MRM1: variants seen among roughly 807,000 people sequenced by gnomAD.
The protein encoded by MRM1 is rRNA methyltransferase 1, mitochondrial.
A neutral mutation model predicts 25.0 loss-of-function variants in MRM1; 24 were observed. That is an observed-to-expected ratio of 0.96 (90% confidence interval 0.69 to 1.35). MRM1 has a LOEUF of 1.35. Among genes scored for constraint, MRM1 ranks in the 40% most tolerant of loss-of-function variants. The pLI, the probability that MRM1 is intolerant of heterozygous loss-of-function variation, is 0.00. For missense variants in MRM1, 431 were observed against 464.1 expected, an observed-to-expected ratio of 0.93 and a Z score of 0.65; for synonymous variants, 188 against 199.2, an observed-to-expected ratio of 0.94 and a Z score of 0.47.
the MRM1 span, among the ~76,000 whole-genome samples, chr17:36,615,151 G>A: frequency 1.3e-5 from 2 of 152,218 alleles, no homozygotes; most frequent in Non-Finnish European, 2.9e-5. Flanking sequence ...CCCCTGCCAT[G>A]TGCCCTCTCG....
Position 36,601,753 on chromosome 17 carries a change from G to C in MRM1, c.-58G>C. 1 of 1,488,754 alleles carries C rather than the reference G, an allele frequency of 6.7e-7. No homozygotes were observed. The highest frequency in any genetic ancestry group is 1.3e-5 in the South Asian group (1 of 75,598). 92.2% of individuals were successfully genotyped at this position (1,488,754 alleles called of 1,614,324 possible). Reference sequence around the variant, plus strand: ...GGAGCCTGGGAGCGAACTGCGGCGCGGGTTACCGCTCCCGGGGACGCAGCA... The same window carrying C: ...GGAGCCTGGGAGCGAACTGCGGCGCCGGTTACCGCTCCCGGGGACGCAGCA... On this transcript the variant is annotated 5_prime_UTR_variant, in exon 1 of 5. Transcript: ENST00000614766.
At chr17:36,628,856 A>G in the MRM1 span, among the ~76,000 whole-genome samples, 1 of 152,200 alleles carries the variant, frequency 6.6e-6, no homozygotes, top group Non-Finnish European at 1.5e-5. Flanking sequence ...ATTCAAACCC[A>G]GATCAGCCTG....
Position 36,601,690 on chromosome 17 carries a change from G to T in MRM1, c.-121G>T. 1 of 1,082,402 alleles carries T rather than the reference G, an allele frequency of 9.2e-7. No individual in the cohort carries two copies. The highest frequency in any genetic ancestry group is 1.3e-6 in the Non-Finnish European group (1 of 779,162). The allele number at this position is 1,082,402 out of a possible 1,614,324, so 67.0% of individuals were successfully genotyped here. On this transcript the variant is annotated 5_prime_UTR_variant, in exon 1 of 5. Transcript: ENST00000614766. ...GTTTGTTCCTGTCCGAGAGAGCTCG[G>T]CGGAGACGGCTGTCGAGTACCCTTC...
Position 36,601,934 on chromosome 17 carries a change from G to A in MRM1, c.124G>A (p.Asp42Asn). The change falls in exon 1 of 5, where the codon GAC becomes AAC. Residue 42 changes from aspartate to asparagine, a missense_variant. Physicochemically the swap from Asp to Asn is conservative, Grantham distance 23. Transcript: ENST00000614766. ...GEELSRLLLD[D>N]LVPTSRLELL... ...GGAGCTAAGCCGCTTGCTGCTGGAT[G>A]ACCTGGTGCCGACCTCTCGGCTGGA... 6.2e-7 allele frequency: 1 copy of A among 1,613,034 alleles called. No homozygotes were observed. Among genetic ancestry groups the A allele is most frequent in the Non-Finnish European group, 8.5e-7 (1 of 1,179,872 alleles).
intron 2 of MRM1, among the ~76,000 whole-genome samples, chr17:36,606,907 G>GTTTT (rs2074933911): frequency 1.9e-5 from 2 of 105,650 alleles, no homozygotes; most frequent in South Asian, 3.2e-4. Context: ...TACTGCGCCT[G>GTTTT]GTTTTTTGTT....
chr17:36,607,877 C>G, intron 3 of MRM1, 22 bp from the exon 4 acceptor site: 1 of 1,613,110 alleles, frequency 6.2e-7, no homozygotes. Context: ...GCAACCCTAA[C>G]CCTCAGCCCC....
At chr17:36,616,352 C>T in the MRM1 span, among the ~76,000 whole-genome samples, 1 of 152,218 alleles carries the variant, frequency 6.6e-6, no homozygotes, top group Non-Finnish European at 1.5e-5. Flanking sequence ...CAGAAATCAT[C>T]CCCAGCCACA....
At chr17:36,625,462 C>CTCTT in the MRM1 span, among the ~76,000 whole-genome samples, 1 of 102,002 alleles carries the variant, frequency 9.8e-6, no homozygotes, top group Non-Finnish European at 1.8e-5. Flanking sequence ...CCTCCTCCTC[C>CTCTT]TTTTTTTTTT....
At chr17:36,630,314 T>G in the MRM1 span, among the ~76,000 whole-genome samples, 1 of 152,112 alleles carries the variant, frequency 6.6e-6, no homozygotes, top group Non-Finnish European at 1.5e-5. Context: ...ACCTTGTACT[T>G]GGGGGAGTAT....
At chr17:36,603,991 A>G (rs1257717125) in intron 2 of MRM1, among the ~76,000 whole-genome samples, 1 of 152,210 alleles carries the variant, frequency 6.6e-6, no homozygotes, top group African/African-American at 2.4e-5. Flanking sequence ...AGCTCCAGGC[A>G]TCACATCTCC....
downstream of MRM1, among the ~76,000 whole-genome samples, chr17:36,612,048 G>A (rs1195025885): frequency 6.6e-6 from 1 of 152,202 alleles, no homozygotes; most frequent in African/African-American, 2.4e-5. Flanking sequence ...GCAGGGTTCA[G>A]CTTGCTCTCT....
the MRM1 span, among the ~76,000 whole-genome samples, chr17:36,614,049 C>T: frequency 6.6e-6 from 1 of 151,764 alleles, no homozygotes; most frequent in Non-Finnish European, 1.5e-5. Context: ...AGTAGGTGTT[C>T]AATAAATGTG....
At chr17:36,622,193 C>T in the MRM1 span, among the ~76,000 whole-genome samples, 2 of 152,148 alleles carry the variant, frequency 1.3e-5, no homozygotes, top group Non-Finnish European at 2.9e-5. Flanking sequence ...TTCCCTGCTG[C>T]CTCCTGCCCC....
At chr17:36,633,021 G>T in the MRM1 span, among the ~76,000 whole-genome samples, 1 of 152,140 alleles carries the variant, frequency 6.6e-6, no homozygotes, top group South Asian at 2.1e-4. Context: ...AACAAAAGCG[G>T]GATATATTGG....
At chr17:36,611,904 C>T (rs889250238), downstream of MRM1, among the ~76,000 whole-genome samples, 1 of 152,096 alleles carries the variant, frequency 6.6e-6, no homozygotes, top group East Asian at 1.9e-4. Context: ...GAGACTTGCC[C>T]GCCTCCATCA....
the MRM1 span, among the ~76,000 whole-genome samples, chr17:36,627,840 A>AT: frequency 3.3e-5 from 5 of 151,678 alleles, no homozygotes; most frequent in African/African-American, 9.7e-5. Flanking sequence ...CGCCCAGCTG[A>AT]TTTTTTTGTA....
the MRM1 span, among the ~76,000 whole-genome samples, chr17:36,626,003 C>A: frequency 6.6e-6 from 1 of 151,860 alleles, no homozygotes; most frequent in African/African-American, 2.4e-5. Flanking sequence ...GCCGACCCCC[C>A]AACCTGAATT....
chr17:36,613,141 C>G (rs925414597), downstream of MRM1, among the ~76,000 whole-genome samples: 2 of 152,242 alleles, frequency 1.3e-5, no homozygotes, highest in South Asian at 4.2e-4. Context: ...GCTGGCACCC[C>G]AGATCCCTGC....
Position 36,602,917 on chromosome 17 carries a change from T to C in MRM1, c.636+271T>C, listed in dbSNP as rs8078079. On this transcript the variant is annotated intron_variant, in intron 2 of 4. Transcript: ENST00000614766. The surrounding 1 kb of genome is among the most constrained non-coding windows in gnomAD (Gnocchi z 4.1). ...TTCTGTAAGTCAGCCTCAGTGTCTA[T>C]TTGCCTACTAGGTCGGGCTTCAGTA... 0.39 allele frequency: 380,897 copies of C among 984,606 alleles called. 75,703 individuals are homozygous for C. Among genetic ancestry groups the C allele is most frequent in the Non-Finnish European group, 0.41 (336,775 of 829,334 alleles). 61.0% of individuals were successfully genotyped at this position (984,606 alleles called of 1,614,324 possible). A position where few individuals can be genotyped will look rare whatever the true frequency, so the allele number is the denominator to read the frequency against.
Sources: gnomAD v4.1 joint callset for allele counts (sites outside exome capture counted in the v4.1 genomes callset) on GRCh38, gnomAD v4.1.1 for gene constraint, Gnocchi (gnomAD v3.1) non-coding constraint, MANE v1.5 for transcripts, NCBI Gene and HGNC (gene_info 2026-07-23, HGNC 2026-07-21) for gene names.